The following HIPK2 variants were observed in gnomAD, a reference collection of about 807,000 sequenced individuals.
HIPK2 encodes the protein homeodomain interacting protein kinase 2.
In HIPK2, 27 loss-of-function variants were observed where a neutral mutation model predicts 113.7. The observed-to-expected ratio is 0.24, with a 90% CI of 0.17 to 0.33. The LOEUF (loss-of-function observed/expected upper bound fraction) is 0.33, where lower values mean the gene tolerates loss of function less well. HIPK2 is among the 10% of genes least tolerant of loss of function. The probability of loss-of-function intolerance (pLI) is 1.00; values close to 1 mark genes in which losing one functional copy is unlikely to be tolerated. For missense variants in HIPK2, 1,257 were observed against 1,588.0 expected (o/e 0.79, Z 3.54); for synonymous variants, 631 against 642.2 (o/e 0.98, Z 0.26).
At chr7:139,634,633 C>T (rs1476305498) in intron 2 of HIPK2, among the ~76,000 whole-genome samples, 3 of 149,510 alleles carry the variant, frequency 2.0e-5, no homozygotes, top group Non-Finnish European at 4.4e-5. Flanking sequence ...TTATTTAAAA[C>T]ATCACATCCC....
chr7:139,606,250 T>C (rs1025800151), intron 9 of HIPK2, among the ~76,000 whole-genome samples: 21 of 152,226 alleles, frequency 1.4e-4, no homozygotes, highest in African/African-American at 4.6e-4. Flanking sequence ...AAGTCATAAA[T>C]GAGTTTCTGA....
chr7:139,663,835 T>A (rs1473908661), intron 2 of HIPK2, among the ~76,000 whole-genome samples: 2 of 152,166 alleles, frequency 1.3e-5, no homozygotes, highest in East Asian at 3.9e-4. Flanking sequence ...GCCAGGAACT[T>A]CCTCAATTCT....
chr7:139,682,573 G>C lies in HIPK2; in HGVS notation c.1103+33359C>G, dbSNP rs146975586. Among the ~76,000 whole-genome samples the C allele has an allele frequency of 2.8e-4, 43 of 152,246 alleles. No homozygotes were observed. In the East Asian group the frequency reaches 7.7e-3, roughly 27 times the overall value. On this transcript the variant is annotated intron_variant, in intron 2 of 14. Transcript: ENST00000406875. ...TGTGGTGGGTGGGGCCGTAATGACT[G>C]TGCTTGACTGCTCCTCAAGAGCAGG...
intron 2 of HIPK2, among the ~76,000 whole-genome samples, chr7:139,704,095 A>C (rs1794807437): frequency 8.8e-6 from 1 of 113,766 alleles, no homozygotes; most frequent in Non-Finnish European, 1.8e-5. Context: ...CACCCGCTAT[A>C]CCCAACATAC....
intron 2 of HIPK2, among the ~76,000 whole-genome samples, chr7:139,648,101 G>C (rs1801307390): frequency 6.6e-6 from 1 of 152,200 alleles, no homozygotes; most frequent in Non-Finnish European, 1.5e-5. Context: ...GCTAAATGGA[G>C]CTAACCAAAT....
intron 2 of HIPK2, among the ~76,000 whole-genome samples, chr7:139,634,145 C>T (rs1393759238): frequency 1.3e-5 from 2 of 151,956 alleles, no homozygotes; most frequent in African/African-American, 2.4e-5. Context: ...TTCCTTTCCT[C>T]ACAACTAGAG....
intron 1 of HIPK2, among the ~76,000 whole-genome samples, chr7:139,729,881 A>C (rs980208975): frequency 4.6e-5 from 7 of 152,174 alleles, no homozygotes; most frequent in Non-Finnish European, 1.0e-4. Flanking sequence ...TTACGAAAGA[A>C]AGCACCTTCC....
At chr7:139,586,256 C>T (rs866297352) in intron 12 of HIPK2, among the ~76,000 whole-genome samples, 15 of 152,312 alleles carry the variant, frequency 9.8e-5, no homozygotes, top group Middle Eastern at 6.8e-3. Flanking sequence ...TGTCCATATG[C>T]TTGTTCCTCA....
rs1799228573 is a variant in HIPK2, at chr7:139,596,743, C to G, written c.2691G>C (p.Glu897Asp). The G allele has an allele frequency of 1.2e-6, 2 of 1,612,530 alleles. No homozygotes were observed. The highest frequency in any genetic ancestry group is 2.7e-5 in the African/African-American group (2 of 74,902). The stretch of plus-strand genomic sequence containing the variant: ...TGGTGGGGGCGTGTTTCTGTTCCTC[C>G]TCCTCGTCCGTGTCACTGCTGATGG... ...VITISSDTDE[E>D]EEQKHAPTST... Residue 897 changes from glutamate (E) to aspartate (D), a missense_variant, in exon 12 of 15, where the codon GAG becomes GAC. Physicochemically the swap from Glu to Asp is conservative, Grantham distance 45. Transcript: ENST00000406875.
At position 139,777,654 on chromosome 7, in the gene HIPK2, C is replaced by A; in HGVS notation, c.-31G>T. Reference sequence around the variant, plus strand: ...CCGGGGTGTCCGCGGTTCATGGCAACGGGGACGGGAAAGCGGCGCGCGAGC... The same window carrying A: ...CCGGGGTGTCCGCGGTTCATGGCAAAGGGGACGGGAAAGCGGCGCGCGAGC... On this transcript the variant is annotated 5_prime_UTR_variant, in exon 1 of 15. Coordinates refer to ENST00000406875, the MANE Select transcript of HIPK2 (RefSeq NM_022740.5). The A allele has an allele frequency of 9.3e-7, 1 of 1,073,388 alleles. No homozygotes were observed. The highest frequency in any genetic ancestry group is 5.4e-5 in the East Asian group (1 of 18,640). 66.5% of individuals were successfully genotyped at this position (1,073,388 alleles called of 1,614,324 possible).
chr7:139,646,242 T>C (rs1801217588), intron 2 of HIPK2, among the ~76,000 whole-genome samples: 1 of 152,136 alleles, frequency 6.6e-6, no homozygotes, highest in South Asian at 2.1e-4. Flanking sequence ...ACCCATGCAC[T>C]GCCAGCACTT....
intron 2 of HIPK2, among the ~76,000 whole-genome samples, chr7:139,689,169 A>G (rs1053517953): frequency 2.0e-5 from 3 of 152,180 alleles, no homozygotes; most frequent in African/African-American, 7.2e-5. Flanking sequence ...GACCCCACAG[A>G]GTGCTCCCCA....
At chr7:139,672,611 ACCACG>A (rs1802344216) in intron 2 of HIPK2, among the ~76,000 whole-genome samples, 1 of 152,118 alleles carries the variant, frequency 6.6e-6, no homozygotes, top group African/African-American at 2.4e-5. Context: ...AGGCGCTGCC[ACCACG>A]CCCGCCTAAT....
Position 139,563,493 on chromosome 7 carries a change from C to A in HIPK2, c.*9434G>T. On this transcript the variant is annotated 3_prime_UTR_variant, in exon 15 of 15. Coordinates refer to ENST00000406875, the MANE Select transcript of HIPK2 (RefSeq NM_022740.5). The stretch of plus-strand genomic sequence containing the variant: ...CGTTTGGAGATTGGTTACAAGGAAG[C>A]GAGGGAGAGCAGAGGCAGAGCCCTT... 1 of 177,702 alleles carries A rather than the reference C, an allele frequency of 5.6e-6. No homozygotes were observed. The highest frequency in any genetic ancestry group is 1.2e-5 in the Non-Finnish European group (1 of 85,194). 11.0% of individuals were successfully genotyped at this position (177,702 alleles called of 1,614,324 possible).
chr7:139,698,051 G>A (rs1439880218), intron 2 of HIPK2, among the ~76,000 whole-genome samples: 1 of 152,032 alleles, frequency 6.6e-6, no homozygotes, highest in Non-Finnish European at 1.5e-5. Flanking sequence ...TTTAAGTAGA[G>A]ACAAGGTTTC....
Position 139,561,716 on chromosome 7 carries a change from A to ATGAG in HIPK2, c.*11207_*11210dup, listed in dbSNP as rs1467598284. ...CCGAAAAAATGATCAAAAAGAAACT[A>ATGAG]TGAGTAACAAGCTATAACATAGTTC... On this transcript the variant is annotated 3_prime_UTR_variant, in exon 15 of 15. Transcript: ENST00000406875. 6.6e-6 allele frequency: 1 copy of ATGAG among 152,116 alleles called. No homozygotes were observed. Among genetic ancestry groups the ATGAG allele is most frequent in the Non-Finnish European group, 1.5e-5 (1 of 68,032 alleles). 9.4% of individuals were successfully genotyped at this position (152,116 alleles called of 1,614,324 possible).
chr7:139,719,015 C>T (rs1351767299), intron 1 of HIPK2, among the ~76,000 whole-genome samples: 1 of 152,214 alleles, frequency 6.6e-6, no homozygotes, highest in East Asian at 1.9e-4. Flanking sequence ...TCTGCAACAT[C>T]TGATACTGCT....
At chr7:139,672,126 T>C (rs1802325014) in intron 2 of HIPK2, among the ~76,000 whole-genome samples, 1 of 152,216 alleles carries the variant, frequency 6.6e-6, no homozygotes, top group Non-Finnish European at 1.5e-5. Context: ...CAGTGTATGC[T>C]GAACACTGAT....
chr7:139,716,273 A>G lies in HIPK2; in HGVS notation c.762T>C (p.Ser254=). The change falls in exon 2 of 15, where the codon AGT becomes AGC. Residue 254 remains serine, a synonymous_variant. Coordinates refer to ENST00000406875, the MANE Select transcript of HIPK2 (RefSeq NM_022740.5). The surrounding 1 kb of genome is among the most constrained non-coding windows in gnomAD (Gnocchi z 9.3). ...VSILARLSTE[S]ADDYNFVRAY... ...CCCGGACGAAGTTATAGTCATCGGC[A>G]CTCTCCGTGCTCAACCGGGCCAGGA... 1.2e-6 allele frequency: 2 copies of G among 1,614,036 alleles called. No homozygotes were observed. The highest frequency in any genetic ancestry group is 1.7e-6 in the Non-Finnish European group (2 of 1,180,006).
Sources: allele counts gnomAD v4.1 joint callset (sites outside exome capture counted in the v4.1 genomes callset), GRCh38; gene constraint gnomAD v4.1.1; non-coding constraint Gnocchi (gnomAD v3.1); transcripts MANE v1.5; gene names NCBI Gene and HGNC (gene_info 2026-07-23, HGNC 2026-07-21).